PLAT: variants seen among roughly 807,000 people sequenced by gnomAD.
The protein encoded by PLAT is plasminogen activator, tissue type.
In PLAT, 48 loss-of-function variants were observed where a neutral mutation model predicts 74.9. The ratio of observed to expected loss-of-function variants is 0.64; its 90% CI spans 0.51 to 0.82. The LOEUF is 0.82. Among genes scored for constraint, PLAT ranks in the 40% least tolerant of loss-of-function variants. The pLI is 0.00. For synonymous variants in PLAT, 307 were observed against 294.4 expected (o/e 1.04, Z -0.44); for missense variants, 673 against 736.2 (o/e 0.91, Z 0.99).
intron 1 of PLAT, among the ~76,000 whole-genome samples, chr8:42,198,942 T>C (rs927288339): frequency 4.6e-5 from 7 of 152,180 alleles, no homozygotes; most frequent in Non-Finnish European, 1.0e-4. Flanking sequence ...CCAGGATTCC[T>C]TGGACCAGCA....
chr8:42,202,228 G>A lies in PLAT; in HGVS notation c.-27+5266C>T, dbSNP rs190092088. On this transcript the variant is annotated intron_variant, in intron 1 of 13. Coordinates refer to ENST00000220809, the MANE Select transcript of PLAT (RefSeq NM_000930.5). ...ATTTTTTTGTAGAGACAGAGTCTTC[G>A]CTATGTTCAAGACCCGGGCTGGTTT... 1.3e-4 allele frequency among the ~76,000 whole-genome samples: 19 copies of A among 148,632 alleles called. No individual in the cohort carries two copies. In the East Asian group the frequency reaches 1.4e-3, roughly 11 times the overall value.
At chr8:42,182,677 C>T (rs534503581) in intron 8 of PLAT, 42 bp downstream of exon 8, 28 of 1,491,622 alleles carry the variant, frequency 1.9e-5, no homozygotes, top group African/African-American at 1.4e-4. Context: ...CCTAATCCCA[C>T]GTTCTGCCAA....
intron 6 of PLAT, chr8:42,186,738 C>A (rs1288679746): frequency 6.6e-6 from 1 of 152,070 alleles, no homozygotes; most frequent in Non-Finnish European, 1.5e-5. Flanking sequence ...ATCTCTATCT[C>A]TCTATCATCT....
Position 42,188,969 on chromosome 8 carries a change from C to G in PLAT, c.218G>C (p.Ser73Thr). 1 of 1,614,082 alleles carries G rather than the reference C, an allele frequency of 6.2e-7. No homozygotes were observed. The highest frequency in any genetic ancestry group is 8.5e-7 in the Non-Finnish European group (1 of 1,179,990). The change falls in exon 4 of 14, where the codon AGT (serine) becomes ACT (threonine). Residue 73 changes from serine to threonine, a missense_variant. By Grantham distance (58) the Ser-to-Thr change is moderately conservative. Transcript: ENST00000220809. Reference protein sequence around the residue: ...SNRVEYCWCNSGRAQCHSVPV... With the variant: ...SNRVEYCWCNTGRAQCHSVPV... ...CACTGAGTGGCACTGTGCCCTGCCA[C>G]TGTTGCACCAGCAATATTCCACCCG...
In PLAT at chr8:42,188,990, A is replaced by G. The variant is rs1266456794; in HGVS notation, c.197T>C (p.Val66Ala). Residue 66 changes from valine to alanine, a missense_variant, in exon 4 of 14, where the codon GTG becomes GCG. Coordinates refer to ENST00000220809, the MANE Select transcript of PLAT (RefSeq NM_000930.5). ...GCCACTGTTGCACCAGCAATATTCC[A>G]CCCGGTTGCTTCTGAGCACAGGGCG... ...WLRPVLRSNR[V>A]EYCWCNSGRA... 31 of 1,613,536 alleles carry G rather than the reference A, an allele frequency of 1.9e-5. 1 individual carries two copies. The highest frequency in any genetic ancestry group is 1.6e-4 in the East Asian group (7 of 44,884).
intron 1 of PLAT, among the ~76,000 whole-genome samples, chr8:42,194,145 C>CAGGCTCA (rs1805805315): frequency 7.2e-6 from 1 of 139,090 alleles, no homozygotes; most frequent in African/African-American, 2.6e-5. Context: ...CTTGACCCAC[C>CAGGCTCA]AGGCTCAAGA....
intron 1 of PLAT, chr8:42,193,715 C>CT (rs59602216): frequency 0.014 from 2,119 of 147,472 alleles, 24 homozygotes; most frequent in Admixed American, 0.022. Context: ...GTAGCATGTC[C>CT]TTTTTTTTTT....
At position 42,175,895 on chromosome 8, in the gene PLAT, T is replaced by G. The variant is rs1587923928; in HGVS notation, c.*98A>C. ...CGTCCCGCTTCTGCGGTGTGGTGGGTCTGGAGAAGTCTGTAGAGAAGCACT... is the reference window on the plus strand; with the variant it reads ...CGTCCCGCTTCTGCGGTGTGGTGGGGCTGGAGAAGTCTGTAGAGAAGCACT... On this transcript the variant is annotated 3_prime_UTR_variant, in exon 14 of 14. Coordinates refer to ENST00000220809, the MANE Select transcript of PLAT (RefSeq NM_000930.5). The G allele has an allele frequency of 1.7e-6, 2 of 1,175,244 alleles. No individual in the cohort carries two copies. The highest frequency in any genetic ancestry group is 2.5e-6 in the Non-Finnish European group (2 of 805,008). The allele number at this position is 1,175,244 out of a possible 1,614,324, so 72.8% of individuals were successfully genotyped here. A position where few individuals can be genotyped will look rare whatever the true frequency, so the allele number is the denominator to read the frequency against.
At chr8:42,198,482 G>A (rs912734681) in intron 1 of PLAT, among the ~76,000 whole-genome samples, 3 of 152,144 alleles carry the variant, frequency 2.0e-5, no homozygotes, top group Admixed American at 1.3e-4. Flanking sequence ...GCAGGACTTC[G>A]TCTCAAAAAA....
chr8:42,197,898 T>C (rs1805968311), intron 1 of PLAT, among the ~76,000 whole-genome samples: 1 of 152,260 alleles, frequency 6.6e-6, no homozygotes, highest in South Asian at 2.1e-4. Context: ...CCAAGTGGGC[T>C]GGATGCTCCA....
intron 1 of PLAT, among the ~76,000 whole-genome samples, chr8:42,201,884 T>G (rs1218984808): frequency 6.6e-6 from 1 of 152,200 alleles, no homozygotes. Context: ...AAAAAACCCT[T>G]CGCTTTCTCT....
At chr8:42,202,507 G>T (rs1806170924) in intron 1 of PLAT, among the ~76,000 whole-genome samples, 1 of 146,288 alleles carries the variant, frequency 6.8e-6, no homozygotes. Flanking sequence ...CCCCCACCCT[G>T]CCCCCCCAGC....
chr8:42,177,624 G>A (rs1805021607), intron 13 of PLAT, among the ~76,000 whole-genome samples: 1 of 152,156 alleles, frequency 6.6e-6, no homozygotes, highest in African/African-American at 2.4e-5. Flanking sequence ...GAAAAGCACT[G>A]GAAGACATCT....
In PLAT at chr8:42,189,076, G is replaced by A; in HGVS notation, c.116-5C>T. On this transcript the variant is annotated splice_region_variant and splice_polypyrimidine_tract_variant and intron_variant, in intron 3 of 13. Coordinates refer to ENST00000220809, the MANE Select transcript of PLAT (RefSeq NM_000930.5). ...TTTTTTCATCTCTGCAGATCACTAT[G>A]AGAAAAGACAGGCCAGCCTCATCAG... 6.2e-7 allele frequency: 1 copy of A among 1,611,578 alleles called. No homozygotes were observed. Among genetic ancestry groups the A allele is most frequent in the Non-Finnish European group, 8.5e-7 (1 of 1,177,968 alleles).
At chr8:42,187,350 G>T in intron 6 of PLAT, 48 bp downstream of exon 6, 1 of 1,481,016 alleles carries the variant, frequency 6.8e-7, no homozygotes, top group South Asian at 1.3e-5. Context: ...TTCCCCAGCT[G>T]TAGCAGCTTC....
Position 42,187,988 on chromosome 8 carries a change from C to G in PLAT, c.282G>C (p.Gly94=). ...KSCSEPRCFN[G]GTCQQALYFS... ...AGTACAGGGCCTGCTGGCAGGTGCC[C>G]CCGTTGAAACACCTTGGCTCGCTGC... The change falls in exon 5 of 14, where the codon GGG becomes GGC. Residue 94 remains glycine, a synonymous_variant. Coordinates refer to ENST00000220809, the MANE Select transcript of PLAT (RefSeq NM_000930.5). 6.2e-7 allele frequency: 1 copy of G among 1,613,152 alleles called. No individual in the cohort carries two copies. Among genetic ancestry groups the G allele is most frequent in the Non-Finnish European group, 8.5e-7 (1 of 1,179,170 alleles).
chr8:42,175,992 G>A lies in PLAT; in HGVS notation c.*1C>T, dbSNP rs768109716. ...GCTTTTGAGGAGTCGGGTGTTCCTG[G>A]TCACGGTCGCATGTTGTCACGAATC... On this transcript the variant is annotated 3_prime_UTR_variant, in exon 14 of 14. Transcript: ENST00000220809. 25 of 1,613,856 alleles carry A rather than the reference G, an allele frequency of 1.5e-5. No individual in the cohort carries two copies. The East Asian group carries it at 5.6e-4, about 36-fold the overall frequency.
In PLAT at chr8:42,188,238, A is replaced by C. The variant is rs1805560207; in HGVS notation, c.254-222T>G. ...CCTGCAGGTCAGACAAGTGTTGTTCAAGGGTCCCCTGTATTTTCAAAGCAG... is the reference window on the plus strand; with the variant it reads ...CCTGCAGGTCAGACAAGTGTTGTTCCAGGGTCCCCTGTATTTTCAAAGCAG... On this transcript the variant is annotated intron_variant, in intron 4 of 13. Coordinates refer to ENST00000220809, the MANE Select transcript of PLAT (RefSeq NM_000930.5). The C allele has an allele frequency of 6.4e-6, 3 of 466,778 alleles. No homozygotes were observed. The East Asian group carries it at 1.0e-4, about 16-fold the overall frequency. The allele number at this position is 466,778 out of a possible 1,614,324, so 28.9% of individuals were successfully genotyped here.
chr8:42,204,676 C>T (rs1198225708), intron 1 of PLAT, among the ~76,000 whole-genome samples: 14 of 149,128 alleles, frequency 9.4e-5, no homozygotes, highest in Non-Finnish European at 2.1e-4. Flanking sequence ...GATTGTGCCA[C>T]TGCACCCCAG....
Sources: allele counts gnomAD v4.1 joint callset (sites outside exome capture counted in the v4.1 genomes callset), GRCh38; gene constraint gnomAD v4.1.1; transcripts MANE v1.5; gene names NCBI Gene and HGNC (gene_info 2026-07-23, HGNC 2026-07-21).